PLEKHH2: variants seen among roughly 807,000 people sequenced by gnomAD.
PLEKHH2 encodes pleckstrin homology, MyTH4 and FERM domain containing H2.
PLEKHH2 carries 129 observed loss-of-function variants against 187.9 expected under a neutral mutation model. The observed-to-expected ratio is 0.69, with a 90% confidence interval of 0.59 to 0.79. The LOEUF (loss-of-function observed/expected upper bound fraction) is 0.79. PLEKHH2 is among the 30% of genes least tolerant of loss of function. The pLI, the probability that PLEKHH2 is intolerant of heterozygous loss-of-function variation, is 0.00. For synonymous variants in PLEKHH2, 686 were observed against 605.6 expected, an observed-to-expected ratio of 1.13 and a Z score of -1.95; for missense variants, 2,076 against 1,751.2, an observed-to-expected ratio of 1.19 and a Z score of -3.31.
chr2:43,727,202 A>G (rs1190530984), intron 17 of PLEKHH2, among the ~76,000 whole-genome samples: 2 of 152,264 alleles, frequency 1.3e-5, no homozygotes, highest in African/African-American at 2.4e-5. Flanking sequence ...TCACAAGGTC[A>G]GGAAGATCGA....
chr2:43,653,350 A>G (rs6712748), intron 2 of PLEKHH2, among the ~76,000 whole-genome samples: 28,477 of 152,184 alleles, frequency 0.19, 2,759 homozygotes, highest in Middle Eastern at 0.29. Context: ...AGACCTTTCA[A>G]AAGCACCACT....
intron 1 of PLEKHH2, among the ~76,000 whole-genome samples, chr2:43,638,144 G>C (rs1444726053): frequency 6.6e-6 from 1 of 152,058 alleles, no homozygotes; most frequent in African/African-American, 2.4e-5. Context: ...TCTGGGCAGG[G>C]TCACCGAAGG....
chr2:43,725,361 G>A (rs943413092), intron 16 of PLEKHH2, among the ~76,000 whole-genome samples: 1 of 152,114 alleles, frequency 6.6e-6, no homozygotes, highest in Non-Finnish European at 1.5e-5. Context: ...GCTTATTAAG[G>A]CCCACTGTTT....
chr2:43,743,014 T>C, intron 22 of PLEKHH2, 96 bp downstream of exon 22: 1 of 961,590 alleles, frequency 1.0e-6, no homozygotes, highest in Admixed American at 3.1e-5. Flanking sequence ...TGTCAGCACC[T>C]GGCAGTGACA....
At chr2:43,709,929 G>A in intron 11 of PLEKHH2, 61 bp from the exon 12 acceptor site, 4 of 1,462,876 alleles carry the variant, frequency 2.7e-6, no homozygotes, top group Non-Finnish European at 3.7e-6. Flanking sequence ...AGCACTCAGA[G>A]CTGGTGTTTG....
In PLEKHH2 at chr2:43,700,617, A is replaced by G. The variant is rs1669315671; in HGVS notation, c.1650+9A>G. 2 of 1,599,666 alleles carry G rather than the reference A, an allele frequency of 1.3e-6. No individual in the cohort carries two copies. Among genetic ancestry groups the G allele is most frequent in the Non-Finnish European group, 1.7e-6 (2 of 1,176,266 alleles). On this transcript the variant is annotated intron_variant, in intron 8 of 29. Coordinates refer to ENST00000282406, the MANE Select transcript of PLEKHH2 (RefSeq NM_172069.4). ...ACCGTTTTCCTTCTTGGGTAATTAT[A>G]TCACCGCATGTAACACATACGCAGT...
At chr2:43,663,924 T>C (rs1558438847) in intron 2 of PLEKHH2, among the ~76,000 whole-genome samples, 1 of 116,174 alleles carries the variant, frequency 8.6e-6, no homozygotes, top group African/African-American at 3.6e-5. Context: ...AGGTGTGGTG[T>C]GGTGCTGAAA....
Position 43,709,979 on chromosome 2 carries a change from T to C in PLEKHH2, c.1967-11T>C. ...TAAATACTGACTTGATTTCTTTCTT[T>C]GTTCTCTTAGGTGTGTCTCTCTCCT... On this transcript the variant is annotated splice_polypyrimidine_tract_variant and intron_variant, in intron 11 of 29. Coordinates refer to ENST00000282406, the MANE Select transcript of PLEKHH2 (RefSeq NM_172069.4). The C allele has an allele frequency of 1.3e-6, 2 of 1,595,808 alleles. No individual in the cohort carries two copies. Among genetic ancestry groups the C allele is most frequent in the South Asian group, 2.3e-5 (2 of 88,230 alleles).
rs747966899 is a variant in PLEKHH2, at chr2:43,712,226, T to A, written c.2303T>A (p.Leu768Ter). ...LRGDNKQTVQ[L>*]TTEKHTYYLT... is the part of the protein sequence containing the mutation. ...TATACCTTTCTCGTTGCATTCTAGT[T>A]GACCACTGAAAAACACACATACTAT... The change falls in exon 15 of 30, where the codon TTG (leucine) becomes TAG (stop). Residue 768 changes from leucine (L) to a stop codon, truncating the protein, a stop_gained and splice_region_variant. Transcript: ENST00000282406. LOFTEE classifies it high-confidence loss of function. 6.2e-7 allele frequency: 1 copy of A among 1,612,316 alleles called. No homozygotes were observed. Among genetic ancestry groups the A allele is most frequent in the Non-Finnish European group, 8.5e-7 (1 of 1,178,374 alleles).
At position 43,687,409 on chromosome 2, in the gene PLEKHH2, G is replaced by C. The variant is rs540135637; in HGVS notation, c.187-5105G>C. On this transcript the variant is annotated intron_variant, in intron 3 of 29. Transcript: ENST00000282406. Reference sequence around the variant, plus strand: ...CTAACTCACCATTGATGGGCACCTTGGTTGATTCCATGTCTTTGCTATTGC... The same window carrying C: ...CTAACTCACCATTGATGGGCACCTTCGTTGATTCCATGTCTTTGCTATTGC... Among the ~76,000 whole-genome samples, 5 of 152,256 alleles carry C rather than the reference G, an allele frequency of 3.3e-5. No individual in the cohort carries two copies. In the East Asian group the frequency reaches 9.6e-4, roughly 29 times the overall value.
intron 16 of PLEKHH2, among the ~76,000 whole-genome samples, chr2:43,723,130 A>G (rs2104551190): frequency 6.6e-6 from 1 of 152,360 alleles, no homozygotes; most frequent in African/African-American, 2.4e-5. Flanking sequence ...TTGTGCCTAA[A>G]GTACACAATT....
chr2:43,672,794 G>A (rs185356413), intron 2 of PLEKHH2, among the ~76,000 whole-genome samples: 4 of 151,516 alleles, frequency 2.6e-5, no homozygotes, highest in Admixed American at 6.6e-5. Flanking sequence ...TTTCAGCTCC[G>A]TAAAACTCCC....
At chr2:43,750,922 T>C (rs972691185) in intron 24 of PLEKHH2, among the ~76,000 whole-genome samples, 11 of 152,166 alleles carry the variant, frequency 7.2e-5, no homozygotes, top group African/African-American at 2.7e-4. Context: ...GTCTTAGCAA[T>C]GCAATCAGTG....
chr2:43,688,843 G>A (rs930951127), intron 3 of PLEKHH2, among the ~76,000 whole-genome samples: 1 of 152,168 alleles, frequency 6.6e-6, no homozygotes, highest in African/African-American at 2.4e-5. Flanking sequence ...GTGACAACAT[G>A]TATGAAACAT....
chr2:43,705,431 A>AT (rs896143945), intron 9 of PLEKHH2, among the ~76,000 whole-genome samples: 6 of 150,862 alleles, frequency 4.0e-5, no homozygotes, highest in Non-Finnish European at 7.4e-5. Flanking sequence ...ACTTTTTAAG[A>AT]TTTTTTGTGG....
At chr2:43,659,705 C>T (rs11895513) in intron 2 of PLEKHH2, among the ~76,000 whole-genome samples, 3,841 of 151,756 alleles carry the variant, frequency 0.025, 51 homozygotes, top group South Asian at 0.06. Flanking sequence ...ACTACAGGCA[C>T]GTGCCATCAT....
At chr2:43,645,540 G>C (rs1027875673) in intron 2 of PLEKHH2, among the ~76,000 whole-genome samples, 1 of 152,062 alleles carries the variant, frequency 6.6e-6, no homozygotes, top group African/African-American at 2.4e-5. Flanking sequence ...TTCAGATAAG[G>C]CTAGTTCAAA....
intron 2 of PLEKHH2, among the ~76,000 whole-genome samples, chr2:43,663,924 TG>T (rs900510829): frequency 1.7e-5 from 2 of 116,174 alleles, no homozygotes; most frequent in Admixed American, 8.5e-5. Context: ...AGGTGTGGTG[TG>T]GTGCTGAAAA....
intron 3 of PLEKHH2, among the ~76,000 whole-genome samples, chr2:43,690,525 C>T (rs976748276): frequency 1.2e-4 from 19 of 152,096 alleles, no homozygotes; most frequent in Non-Finnish European, 5.9e-5. Context: ...GGAGAAAACC[C>T]TCATTAGTCA....
Sources: allele counts gnomAD v4.1 joint callset (sites outside exome capture counted in the v4.1 genomes callset), GRCh38; gene constraint gnomAD v4.1.1; transcripts MANE v1.5; gene names NCBI Gene and HGNC (gene_info 2026-07-23, HGNC 2026-07-21).